Variants in SLC24A2 observed in about 807,000 individuals in gnomAD.
SLC24A2 encodes the protein sodium/potassium/calcium exchanger 2.
In SLC24A2, 36 loss-of-function variants were observed where a neutral mutation model predicts 62.0. The observed-to-expected ratio is 0.58, with a 90% CI of 0.44 to 0.77. The LOEUF is 0.77. SLC24A2 is among the 30% of genes least tolerant of loss of function. SLC24A2 has a pLI of 0.00. For synonymous variants in SLC24A2, 358 were observed against 294.0 expected (o/e 1.22, Z -2.23); for missense variants, 846 against 817.9 (o/e 1.03, Z -0.42).
At position 19,516,073 on chromosome 9, in the gene SLC24A2, T is replaced by A; in HGVS notation, c.*80A>T. 1 of 1,578,508 alleles carries A rather than the reference T, an allele frequency of 6.3e-7. No individual in the cohort carries two copies. Among genetic ancestry groups the A allele is most frequent in the Non-Finnish European group, 8.7e-7 (1 of 1,148,624 alleles). On this transcript the variant is annotated 3_prime_UTR_variant, in exon 11 of 11. Transcript: ENST00000341998. Reference sequence around the variant, plus strand: ...CCCAGGGCTGTGTGCCAGCTGCCTCTTCTCAAGAGGTCAAGGAGCCCAGAG... The same window carrying A: ...CCCAGGGCTGTGTGCCAGCTGCCTCATCTCAAGAGGTCAAGGAGCCCAGAG...
the SLC24A2 span, among the ~76,000 whole-genome samples, chr9:19,796,514 T>A: frequency 6.6e-6 from 1 of 152,248 alleles, no homozygotes; most frequent in African/African-American, 2.4e-5. Context: ...ACTCCTTTGC[T>A]TTTTGGAGCA....
At chr9:19,852,205 C>A in the SLC24A2 span, among the ~76,000 whole-genome samples, 1 of 151,918 alleles carries the variant, frequency 6.6e-6, no homozygotes, top group African/African-American at 2.4e-5. Flanking sequence ...TGTTTAAGTT[C>A]CTTGTAGATT....
At chr9:20,088,962 G>A in the SLC24A2 span, among the ~76,000 whole-genome samples, 25 of 152,120 alleles carry the variant, frequency 1.6e-4, no homozygotes, top group African/African-American at 2.4e-4. Context: ...ATATTGCCAC[G>A]CCCTAAAGAA....
At chr9:19,928,111 CAGAG>C in the SLC24A2 span, 2 of 152,506 alleles carry the variant, frequency 1.3e-5, no homozygotes, top group African/African-American at 4.8e-5. Flanking sequence ...GTTGGTTACA[CAGAG>C]AGAGTGAGGC....
chr9:20,139,498 TGG>T, the SLC24A2 span, among the ~76,000 whole-genome samples: 2 of 152,224 alleles, frequency 1.3e-5, no homozygotes, highest in Non-Finnish European at 2.9e-5. Flanking sequence ...AGCTCCCTCC[TGG>T]GCCAGCACAC....
chr9:19,689,323 A>C (rs1819975680), intron 2 of SLC24A2, among the ~76,000 whole-genome samples: 1 of 152,130 alleles, frequency 6.6e-6, no homozygotes, highest in African/African-American at 2.4e-5. Flanking sequence ...TGCTGTTTTG[A>C]GCTTTTCTCA....
intron 7 of SLC24A2, among the ~76,000 whole-genome samples, chr9:19,561,092 ATT>A (rs956790773): frequency 6.8e-6 from 1 of 147,824 alleles, no homozygotes; most frequent in Non-Finnish European, 1.5e-5. Context: ...CACCTGGCTA[ATT>A]TTTTTTTGTA....
chr9:20,090,653 C>A, the SLC24A2 span, among the ~76,000 whole-genome samples: 14 of 152,156 alleles, frequency 9.2e-5, no homozygotes, highest in African/African-American at 3.4e-4. Flanking sequence ...CTACAAAGAC[C>A]CTGCACAAAT....
chr9:20,263,959 G>A, the SLC24A2 span, among the ~76,000 whole-genome samples: 1 of 147,670 alleles, frequency 6.8e-6, no homozygotes, highest in African/African-American at 2.5e-5. Flanking sequence ...TCAGAAGTTT[G>A]GATGGTTTCC....
chr9:19,658,115 G>A (rs1322345338), intron 2 of SLC24A2, among the ~76,000 whole-genome samples: 1 of 152,232 alleles, frequency 6.6e-6, no homozygotes, highest in Non-Finnish European at 1.5e-5. Flanking sequence ...CTCAGCCTTT[G>A]CCCAAGCTGC....
the SLC24A2 span, among the ~76,000 whole-genome samples, chr9:19,827,543 G>C: frequency 6.6e-6 from 1 of 151,772 alleles, no homozygotes; most frequent in African/African-American, 2.4e-5. Flanking sequence ...ATATTTCTTT[G>C]ACTCTAAGAT....
At chr9:20,071,561 C>T in the SLC24A2 span, among the ~76,000 whole-genome samples, 1 of 152,230 alleles carries the variant, frequency 6.6e-6, no homozygotes, top group East Asian at 1.9e-4. Flanking sequence ...TGTTCTAATC[C>T]TCAGAATTTA....
the SLC24A2 span, among the ~76,000 whole-genome samples, chr9:19,859,846 G>A: frequency 6.6e-6 from 1 of 152,150 alleles, no homozygotes; most frequent in Non-Finnish European, 1.5e-5. Flanking sequence ...GTTATAGCAG[G>A]AAGCAAAACC....
the SLC24A2 span, among the ~76,000 whole-genome samples, chr9:19,883,647 G>A: frequency 2.4e-4 from 36 of 151,456 alleles, no homozygotes; most frequent in Admixed American, 2.1e-3. Flanking sequence ...CTCACTGCAA[G>A]CTCCGCCTCC....
chr9:19,965,477 G>A, the SLC24A2 span, among the ~76,000 whole-genome samples: 12 of 152,152 alleles, frequency 7.9e-5, no homozygotes, highest in Non-Finnish European at 1.8e-4. Flanking sequence ...TCATACTGAT[G>A]CATTCCAGCT....
In SLC24A2 at chr9:19,543,732, G is replaced by A. The variant is rs556057520; in HGVS notation, c.1479+6405C>T. 1.2e-3 allele frequency among the ~76,000 whole-genome samples: 181 copies of A among 152,268 alleles called. 1 individual carries two copies. The highest frequency in any genetic ancestry group is 4.1e-3 in the African/African-American group (170 of 41,552). On this transcript the variant is annotated intron_variant, in intron 8 of 10. Transcript: ENST00000341998. ...CATGTTGTTCAATTTCCATGTAGTTGTGCAGTTTTGAGTGAGTTTCTTAAT... is the reference window on the plus strand; with the variant it reads ...CATGTTGTTCAATTTCCATGTAGTTATGCAGTTTTGAGTGAGTTTCTTAAT...
the SLC24A2 span, among the ~76,000 whole-genome samples, chr9:20,176,722 C>T: frequency 1.3e-5 from 2 of 152,030 alleles, no homozygotes; most frequent in East Asian, 1.9e-4. Flanking sequence ...TGCTTGTAAA[C>T]GTTGACTTTC....
the SLC24A2 span, among the ~76,000 whole-genome samples, chr9:19,813,317 CTTTTTTTTTTTTT>C: frequency 1.2e-5 from 1 of 86,274 alleles, no homozygotes; most frequent in Non-Finnish European, 2.1e-5. Context: ...TCATCTTCCT[CTTTTTTTTTTTTT>C]TTTTTTTTTT....
chr9:20,203,912 C>T, the SLC24A2 span, among the ~76,000 whole-genome samples: 1 of 152,182 alleles, frequency 6.6e-6, no homozygotes, highest in African/African-American at 2.4e-5. Context: ...ATTTATTCAA[C>T]ACGTATTTAG....
Sources: gnomAD v4.1 joint callset for allele counts (sites outside exome capture counted in the v4.1 genomes callset) on GRCh38, gnomAD v4.1.1 for gene constraint, MANE v1.5 for transcripts, NCBI Gene and HGNC (gene_info 2026-07-23, HGNC 2026-07-21) for gene names.